ZBTB20: variants seen among roughly 807,000 people sequenced by gnomAD.
The protein encoded by ZBTB20 is zinc finger and BTB domain containing 20, also known as zinc finger and BTB domain-containing protein 20.
A neutral mutation model predicts 56.9 loss-of-function variants in ZBTB20; 9 were observed. The ratio of observed to expected loss-of-function variants is 0.16; its 90% CI spans 0.10 to 0.28. ZBTB20 has a LOEUF of 0.28. Ranked by LOEUF, ZBTB20 falls within the 10% of genes least tolerant of loss-of-function variation. ZBTB20 has a pLI of 1.00. For missense variants in ZBTB20, 655 were observed against 1,003.0 expected, an observed-to-expected ratio of 0.65 and a Z score of 4.69; for synonymous variants, 417 against 420.7, an observed-to-expected ratio of 0.99 and a Z score of 0.11.
intron 7 of ZBTB20, among the ~76,000 whole-genome samples, chr3:114,408,647 G>GTGTC (rs1190506376): frequency 2.0e-5 from 3 of 151,772 alleles, no homozygotes; most frequent in Admixed American, 1.3e-4. Context: ...GCATTGATTT[G>GTGTC]TGTCTCACAA....
chr3:115,118,657 T>C (rs1298582976), intron 1 of ZBTB20, among the ~76,000 whole-genome samples: 1 of 147,312 alleles, frequency 6.8e-6, no homozygotes. Context: ...CATATTCACA[T>C]AAATATCACT....
At chr3:114,951,162 A>G (rs1033523798) in intron 3 of ZBTB20, among the ~76,000 whole-genome samples, 2 of 152,114 alleles carry the variant, frequency 1.3e-5, no homozygotes, top group Non-Finnish European at 2.9e-5. Context: ...CTGAATTTGT[A>G]ACTGTTTTCC....
At chr3:114,825,579 C>T (rs1454131977) in intron 4 of ZBTB20, among the ~76,000 whole-genome samples, 3 of 151,788 alleles carry the variant, frequency 2.0e-5, no homozygotes, top group Non-Finnish European at 4.4e-5. Context: ...GAAGAAAATC[C>T]TTAAAGATAA....
intron 6 of ZBTB20, among the ~76,000 whole-genome samples, chr3:114,662,864 G>T (rs1184953807): frequency 6.6e-6 from 1 of 152,016 alleles, no homozygotes; most frequent in East Asian, 1.9e-4. Flanking sequence ...CACTCTGATG[G>T]TAGTTTCTTT....
intron 5 of ZBTB20, among the ~76,000 whole-genome samples, chr3:114,755,399 A>G (rs1226720010): frequency 2.6e-5 from 4 of 152,182 alleles, no homozygotes; most frequent in African/African-American, 4.8e-5. Flanking sequence ...GAGACTGACA[A>G]TCTGCTTAAA....
At chr3:114,922,823 TACATCAAG>T (rs58981953) in intron 3 of ZBTB20, among the ~76,000 whole-genome samples, 150,535 of 152,076 alleles carry the variant, frequency 0.99, 74,532 homozygotes, top group Middle Eastern at 1. Context: ...AATCACTCAA[TACATCAAG>T]ACATCAAGAA....
At position 114,330,947 on chromosome 3, in the gene ZBTB20, C is replaced by T. The variant is rs988630821; in HGVS notation, c.*8058G>A. ...CTACAGATTACCAAAAAACATTCCC[C>T]CCAACAGTCTATTGGTTTGCTAGAC... On this transcript the variant is annotated 3_prime_UTR_variant, in exon 12 of 12. Transcript: ENST00000675478. 1.3e-5 allele frequency: 2 copies of T among 152,236 alleles called. No individual in the cohort carries two copies. The highest frequency in any genetic ancestry group is 4.8e-5 in the African/African-American group (2 of 41,436). The allele number at this position is 152,236 out of a possible 1,614,324, so 9.4% of individuals were successfully genotyped here.
At chr3:114,426,337 C>CAAAAAAAAAAA (rs60778829) in intron 7 of ZBTB20, among the ~76,000 whole-genome samples, 15 of 109,510 alleles carry the variant, frequency 1.4e-4, no homozygotes, top group African/African-American at 5.6e-4. Context: ...GACTCCATCT[C>CAAAAAAAAAAA]AAAAAAAAAA....
At chr3:114,819,607 AAAGT>A (rs1160416899) in intron 4 of ZBTB20, among the ~76,000 whole-genome samples, 1 of 151,950 alleles carries the variant, frequency 6.6e-6, no homozygotes, top group African/African-American at 2.4e-5. Flanking sequence ...ATTAAGAACA[AAAGT>A]AAGTAAGATG....
chr3:114,684,436 A>C, intron 6 of ZBTB20: 1 of 152,192 alleles, frequency 6.6e-6, no homozygotes, highest in East Asian at 1.9e-4. Context: ...TACAGGAGAA[A>C]TTGGGACAGG....
chr3:114,713,916 C>T (rs2064271102), intron 5 of ZBTB20: 1 of 152,500 alleles, frequency 6.6e-6, no homozygotes, highest in African/African-American at 2.4e-5. Context: ...TTTATGCCTC[C>T]CAGGCTCAGT....
At chr3:114,451,496 A>G (rs1247299549) in intron 7 of ZBTB20, among the ~76,000 whole-genome samples, 4 of 152,106 alleles carry the variant, frequency 2.6e-5, no homozygotes, top group South Asian at 2.1e-4. Context: ...AAATAATTAA[A>G]CCAGTATACT....
chr3:114,731,001 T>TA (rs2065699461), intron 5 of ZBTB20, among the ~76,000 whole-genome samples: 1 of 152,234 alleles, frequency 6.6e-6, no homozygotes, highest in South Asian at 2.1e-4. Context: ...TCCTATTTTT[T>TA]ACCTTTGAAC....
rs540961564 is a variant in ZBTB20, at chr3:115,131,209, T to C, written c.-703+16010A>G. Reference sequence around the variant, plus strand: ...CTCCTTTCATATTTCCTCTCATAAATAGTTATCCATTTTTATAACTTAGTA... The same window carrying C: ...CTCCTTTCATATTTCCTCTCATAAACAGTTATCCATTTTTATAACTTAGTA... On this transcript the variant is annotated intron_variant, in intron 1 of 11. Transcript: ENST00000675478. 2.2e-4 allele frequency among the ~76,000 whole-genome samples: 34 copies of C among 152,324 alleles called. 1 individual carries two copies. The highest frequency in any genetic ancestry group is 1.2e-3 in the South Asian group (6 of 4,826).
chr3:114,539,352 T>C (rs943003207), intron 6 of ZBTB20, among the ~76,000 whole-genome samples: 3 of 152,178 alleles, frequency 2.0e-5, no homozygotes, highest in African/African-American at 7.2e-5. Flanking sequence ...CATTTTGTTA[T>C]GTTGATTCTC....
intron 4 of ZBTB20, among the ~76,000 whole-genome samples, chr3:114,862,490 A>G (rs2075579711): frequency 1.3e-5 from 2 of 152,180 alleles, no homozygotes; most frequent in Admixed American, 1.3e-4. Flanking sequence ...AAACTCGAAT[A>G]AACATCCTTG....
chr3:114,729,956 A>ATTTTTTTTTTTTTTTTTTTTTTT (rs1229757252), intron 5 of ZBTB20, among the ~76,000 whole-genome samples: 1 of 119,450 alleles, frequency 8.4e-6, no homozygotes, highest in African/African-American at 3.3e-5. Context: ...CATCCGGCTA[A>ATTTTTTTTTTTTTTTTTTTTTTT]TTTTTTTTTT....
intron 10 of ZBTB20, among the ~76,000 whole-genome samples, chr3:114,355,879 T>C (rs376274423): frequency 5.3e-4 from 80 of 150,894 alleles, no homozygotes; most frequent in African/African-American, 1.9e-3. Flanking sequence ...CCCTATCAAC[T>C]GTACAAAACC....
At chr3:115,134,280 AT>A (rs2084593933) in intron 1 of ZBTB20, among the ~76,000 whole-genome samples, 1 of 152,152 alleles carries the variant, frequency 6.6e-6, no homozygotes, top group African/African-American at 2.4e-5. Flanking sequence ...TTCTATGTAG[AT>A]TTTTTTAACC....
Sources: gnomAD v4.1 joint callset for allele counts (sites outside exome capture counted in the v4.1 genomes callset) on GRCh38, gnomAD v4.1.1 for gene constraint, MANE v1.5 for transcripts, NCBI Gene and HGNC (gene_info 2026-07-23, HGNC 2026-07-21) for gene names.